The following FAM193A variants were observed in gnomAD, a reference collection of about 807,000 sequenced individuals.
The protein encoded by FAM193A is protein FAM193A.
In FAM193A, 22 loss-of-function variants were observed where a neutral mutation model predicts 126.5. The observed-to-expected ratio is 0.17, with a 90% CI of 0.12 to 0.25. The LOEUF is 0.25. Among genes scored for constraint, FAM193A ranks in the 10% least tolerant of loss-of-function variants. FAM193A has a pLI of 1.00. For missense variants in FAM193A, 1,675 were observed against 1,672.8 expected (o/e 1.00, Z -0.02); for synonymous variants, 761 against 646.8 (o/e 1.18, Z -2.68).
intron 1 of FAM193A, among the ~76,000 whole-genome samples, chr4:2,587,547 T>C (rs995047097): frequency 1.3e-5 from 2 of 151,490 alleles, no homozygotes; most frequent in Non-Finnish European, 2.9e-5. Flanking sequence ...CAAAAATTAG[T>C]TGGGCATGGT....
chr4:2,608,952 G>A (rs1045889785), intron 2 of FAM193A, among the ~76,000 whole-genome samples: 10 of 149,144 alleles, frequency 6.7e-5, no homozygotes, highest in Non-Finnish European at 1.2e-4. Context: ...GTGCAGTGGT[G>A]CCATCTTGGC....
chr4:2,607,051 G>A (rs112320272), intron 2 of FAM193A, among the ~76,000 whole-genome samples: 28 of 152,304 alleles, frequency 1.8e-4, no homozygotes, highest in African/African-American at 6.5e-4. Flanking sequence ...TTTCACAGGT[G>A]AAGGGCCATT....
intron 20 of FAM193A, among the ~76,000 whole-genome samples, chr4:2,723,157 C>A (rs913462940): frequency 6.6e-6 from 1 of 152,104 alleles, no homozygotes; most frequent in African/African-American, 2.4e-5. Context: ...GCCTGTAGTC[C>A]CAGCTAGTCA....
In FAM193A at chr4:2,693,819, G is replaced by A. The variant is rs1455946355; in HGVS notation, c.3037G>A (p.Ala1013Thr). The A allele has an allele frequency of 6.2e-7, 1 of 1,614,100 alleles. No individual in the cohort carries two copies. Among genetic ancestry groups the A allele is most frequent in the East Asian group, 2.2e-5 (1 of 44,898 alleles). The change falls in exon 16 of 21, where the codon GCA becomes ACA. Residue 1013 changes from alanine to threonine, a missense_variant. By Grantham distance (58) the Ala-to-Thr change is moderately conservative. Transcript: ENST00000637812. ...FVDTRKSFCPAPLPPATDGSI... is the reference protein window; with the variant it reads ...FVDTRKSFCPTPLPPATDGSI... Reference sequence around the variant, plus strand: ...GGACACACGCAAGAGTTTCTGTCCTGCACCCCTACCCCCGGCCACAGATGG... The same window carrying A: ...GGACACACGCAAGAGTTTCTGTCCTACACCCCTACCCCCGGCCACAGATGG...
chr4:2,536,589 G>C (rs1446495740), upstream of FAM193A: 1 of 136,026 alleles, frequency 7.4e-6, no homozygotes, highest in Admixed American at 7.1e-5. Context: ...TGGGGGGTGG[G>C]GGCCCACACC....
intron 1 of FAM193A, among the ~76,000 whole-genome samples, chr4:2,537,423 C>G (rs1284241054): frequency 1.3e-5 from 2 of 152,120 alleles, no homozygotes; most frequent in Non-Finnish European, 2.9e-5. Context: ...GGGAGGGCTA[C>G]ACCGGGGCCG....
At chr4:2,614,667 AG>A (rs528087576) in intron 2 of FAM193A, among the ~76,000 whole-genome samples, 98 of 152,326 alleles carry the variant, frequency 6.4e-4, no homozygotes, top group African/African-American at 2.2e-3. Context: ...GGAAAGGAAA[AG>A]TTTGTGTAAA....
At chr4:2,645,645 G>C (rs35159251) in intron 6 of FAM193A, among the ~76,000 whole-genome samples, 8,304 of 152,068 alleles carry the variant, frequency 0.055, 275 homozygotes, top group South Asian at 0.085. Flanking sequence ...TTCTGTCTCA[G>C]CCTCCTGAGT....
At chr4:2,604,233 ACTGTATTTG>A (rs71178490) in intron 2 of FAM193A, among the ~76,000 whole-genome samples, 4,796 of 152,206 alleles carry the variant, frequency 0.032, 86 homozygotes, top group South Asian at 0.072. Flanking sequence ...CTTATTAATC[ACTGTATTTG>A]CTGTATTTGC....
intron 5 of FAM193A, among the ~76,000 whole-genome samples, chr4:2,632,151 G>A (rs775092929): frequency 1.3e-5 from 2 of 152,134 alleles, no homozygotes; most frequent in African/African-American, 4.8e-5. Flanking sequence ...ATCACATGGC[G>A]AGAGGGCTGA....
chr4:2,674,544 CTT>C (rs1193995899), intron 13 of FAM193A, among the ~76,000 whole-genome samples: 2 of 152,164 alleles, frequency 1.3e-5, no homozygotes, highest in Non-Finnish European at 2.9e-5. Context: ...TCTGCCATCA[CTT>C]TTGCATTGTT....
chr4:2,700,349 G>C lies in FAM193A; in HGVS notation c.4177G>C (p.Val1393Leu), dbSNP rs1441594346. ...AGAGCAGAAAAGAGAGGAGAGAAAA[G>C]TCAACAGTAATAACAATAACAAAAA... ...ITEQKREERKVNSNNNNKKQL... is the reference protein window; with the variant it reads ...ITEQKREERKLNSNNNNKKQL... Residue 1393 changes from valine to leucine, a missense_variant, in exon 19 of 21, where the codon GTC becomes CTC. Val to Leu is a conservative substitution (Grantham distance 32). Transcript: ENST00000637812. 1 of 1,614,062 alleles carries C rather than the reference G, an allele frequency of 6.2e-7. No homozygotes were observed. Among genetic ancestry groups the C allele is most frequent in the South Asian group, 1.1e-5 (1 of 91,082 alleles).
intron 7 of FAM193A, among the ~76,000 whole-genome samples, chr4:2,647,671 C>T (rs142904613): frequency 2.0e-5 from 3 of 152,300 alleles, no homozygotes; most frequent in Admixed American, 6.5e-5. Flanking sequence ...TTTGAGACGG[C>T]GCCCCCTCCC....
chr4:2,537,348 G>T (rs907555316), intron 1 of FAM193A, among the ~76,000 whole-genome samples, 178 bp downstream of exon 1: 6 of 152,182 alleles, frequency 3.9e-5, no homozygotes, highest in African/African-American at 1.4e-4. Flanking sequence ...GGCGGCAGGT[G>T]GGCCGTGCTC....
At chr4:2,571,731 A>AG (rs2108859928) in intron 1 of FAM193A, among the ~76,000 whole-genome samples, 2 of 151,640 alleles carry the variant, frequency 1.3e-5, no homozygotes, top group East Asian at 4.0e-4. Context: ...GTAGAGACAG[A>AG]GTTTCGCCAT....
At chr4:2,569,147 T>C (rs916189238) in intron 1 of FAM193A, among the ~76,000 whole-genome samples, 1 of 151,946 alleles carries the variant, frequency 6.6e-6, no homozygotes, top group African/African-American at 2.4e-5. Flanking sequence ...TTTTTTTGTA[T>C]ATTAGTAGAG....
At chr4:2,615,394 T>G (rs989792779) in intron 2 of FAM193A, among the ~76,000 whole-genome samples, 55 of 152,238 alleles carry the variant, frequency 3.6e-4, no homozygotes, top group African/African-American at 1.2e-3. Flanking sequence ...TGTCTAAGCA[T>G]TCCTTTAGCT....
chr4:2,589,706 G>A (rs951463489), intron 1 of FAM193A, among the ~76,000 whole-genome samples: 2 of 152,162 alleles, frequency 1.3e-5, no homozygotes, highest in African/African-American at 4.8e-5. Context: ...TGCTCTCCAG[G>A]CAATGCCTTT....
intron 1 of FAM193A, among the ~76,000 whole-genome samples, chr4:2,586,455 C>T (rs1312127454): frequency 6.6e-6 from 1 of 151,718 alleles, no homozygotes; most frequent in Non-Finnish European, 1.5e-5. Context: ...GTTTGGGTAT[C>T]TAGTTGTTCT....
Sources: gnomAD v4.1 joint callset for allele counts (sites outside exome capture counted in the v4.1 genomes callset) on GRCh38, gnomAD v4.1.1 for gene constraint, MANE v1.5 for transcripts, NCBI Gene and HGNC (gene_info 2026-07-23, HGNC 2026-07-21) for gene names.